CRAMP1: variants seen among roughly 807,000 people sequenced by gnomAD.
CRAMP1 encodes protein cramped-like.
In CRAMP1, 50 loss-of-function variants were observed where a neutral mutation model predicts 115.4. The observed-to-expected ratio is 0.43, with a 90% CI of 0.35 to 0.55. The LOEUF (loss-of-function observed/expected upper bound fraction) is 0.55. CRAMP1 is among the 20% of genes least tolerant of loss of function. The pLI is 0.01. For missense variants in CRAMP1, 1,679 were observed against 1,721.7 expected (o/e 0.98, Z 0.44); for synonymous variants, 866 against 745.4 (o/e 1.16, Z -2.64).
intron 2 of CRAMP1, among the ~76,000 whole-genome samples, chr16:1,623,046 A>G (rs2036478920): frequency 2.0e-5 from 3 of 151,324 alleles, no homozygotes; most frequent in Admixed American, 6.6e-5. Context: ...ACAGGCGCCC[A>G]CCACCACGCC....
At chr16:1,647,587 A>C (rs2036686670) in intron 6 of CRAMP1, among the ~76,000 whole-genome samples, 1 of 151,990 alleles carries the variant, frequency 6.6e-6, no homozygotes, top group Non-Finnish European at 1.5e-5. Context: ...TTAAAAATAC[A>C]AAATTAGCCG....
In CRAMP1 at chr16:1,668,054, C is replaced by T. The variant is rs1175049312; in HGVS notation, c.3195C>T (p.Thr1065=). The T allele has an allele frequency of 2.5e-6, 4 of 1,613,790 alleles. No individual in the cohort carries two copies. In the South Asian group the frequency reaches 4.4e-5, roughly 18 times the overall value. ...TGTCCTCGTCAGAGAGCTCCAGCAC[C>T]CGGCTGTCTCCACCAGACGTCTCTG... ...IPLSSSESSS[T]RLSPPDVSAL... is the part of the protein sequence containing the mutation. The change falls in exon 18 of 21, where the codon ACC becomes ACT. Residue 1065 remains threonine, a synonymous_variant. Coordinates refer to ENST00000397412, the MANE Select transcript of CRAMP1 (RefSeq NM_020825.4).
At chr16:1,664,820 GT>G (rs2036860179) in intron 13 of CRAMP1, among the ~76,000 whole-genome samples, 1 of 151,590 alleles carries the variant, frequency 6.6e-6, no homozygotes, top group East Asian at 1.9e-4. Context: ...CATTCCTCCA[GT>G]TTCCCTGGGG....
rs1596493903 is a variant in CRAMP1 at position 1,655,958 on chromosome 16, G to T, written c.1201G>T (p.Gly401Cys). 1 of 1,613,000 alleles carries T rather than the reference G, an allele frequency of 6.2e-7. No individual in the cohort carries two copies. The highest frequency in any genetic ancestry group is 8.5e-7 in the Non-Finnish European group (1 of 1,179,900). Residue 401 changes from glycine to cysteine, a missense_variant, in exon 10 of 21, where the codon GGC becomes TGC. Around this residue, in one of 8 missense-constraint regions of CRAMP1, gnomAD observed 191 missense variants for 236.2 expected, o/e 0.81. Coordinates refer to ENST00000397412, the MANE Select transcript of CRAMP1 (RefSeq NM_020825.4). ...QEKVTLHLFP[G>C]ENCTLTPLPG... ...GAAGGTGACACTGCACTTGTTCCCA[G>T]GCGAGAACTGTACACTGACACCGCT...
chr16:1,621,308 G>C (rs900217429), intron 2 of CRAMP1, among the ~76,000 whole-genome samples: 5 of 152,250 alleles, frequency 3.3e-5, no homozygotes, highest in Admixed American at 6.5e-5. Flanking sequence ...GCAGCTGGGA[G>C]GGTGCGCTGG....
intron 17 of CRAMP1, among the ~76,000 whole-genome samples, chr16:1,667,610 A>G (rs2036887057): frequency 6.6e-6 from 1 of 152,072 alleles, no homozygotes; most frequent in South Asian, 2.1e-4. Context: ...TCCCCTCTCC[A>G]AGGTGGGCTG....
At chr16:1,651,320 AGAGGTCACACAGAGGTCATCTAGGGGTG>A (rs2036720795) in intron 6 of CRAMP1, among the ~76,000 whole-genome samples, 1 of 149,984 alleles carries the variant, frequency 6.7e-6, no homozygotes, top group Non-Finnish European at 1.5e-5. Context: ...AGGTCGACTG[AGAGGTCACACAGAGGTCATCTAGGGGTG>A]GATTTAGGTC....
rs1045849827 is a variant in CRAMP1, at chr16:1,672,325, G to C, written c.3645+1516G>C. Among the ~76,000 whole-genome samples, 2 of 152,230 alleles carry C rather than the reference G, an allele frequency of 1.3e-5. No individual in the cohort carries two copies. Among genetic ancestry groups the C allele is most frequent in the South Asian group, 4.1e-4 (2 of 4,832 alleles). ...AACGTGTTCACCTTCAGAAAGAGCA[G>C]ATCAGCGTTTAGCATGAGATTTTCC... On this transcript the variant is annotated intron_variant, in intron 20 of 20. Coordinates refer to ENST00000397412, the MANE Select transcript of CRAMP1 (RefSeq NM_020825.4). This position sits in a 1 kb window ranked among gnomAD's most constrained non-coding sequence, Gnocchi z 4.9.
chr16:1,614,894 C>T lies in CRAMP1; in HGVS notation c.255C>T (p.Ser85=), dbSNP rs1183304331. 3.6e-5 allele frequency: 48 copies of T among 1,327,222 alleles called. No individual in the cohort carries two copies. Among genetic ancestry groups the T allele is most frequent in the South Asian group, 4.8e-5 (2 of 41,524 alleles). The allele number at this position is 1,327,222 out of a possible 1,614,324, so 82.2% of individuals were successfully genotyped here. A position where few individuals can be genotyped will look rare whatever the true frequency, so the allele number is the denominator to read the frequency against. Residue 85 remains serine, a synonymous_variant, in exon 2 of 21, where the codon TCC becomes TCT. Coordinates refer to ENST00000397412, the MANE Select transcript of CRAMP1 (RefSeq NM_020825.4). The surrounding 1 kb of genome is among the most constrained non-coding windows in gnomAD (Gnocchi z 4.4). ...SPQDQHHFLR[S]SVRPQSKRPR... is the part of the protein sequence containing the mutation. ...AGGACCAGCACCACTTCCTCCGGTC[C>T]AGCGTGCGGCCGCAGAGCAAGAGGC...
At position 1,625,864 on chromosome 16, in the gene CRAMP1, T is replaced by C. The variant is rs147340639; in HGVS notation, c.347-109T>C. 7.0e-5 allele frequency: 76 copies of C among 1,081,046 alleles called. No individual in the cohort carries two copies. The African/African-American group carries it at 1.0e-3, about 15-fold the overall frequency. 67.0% of individuals were successfully genotyped at this position (1,081,046 alleles called of 1,614,324 possible). On this transcript the variant is annotated intron_variant, in intron 2 of 20. Coordinates refer to ENST00000397412, the MANE Select transcript of CRAMP1 (RefSeq NM_020825.4). The stretch of plus-strand genomic sequence containing the variant: ...CCTGCCAGCATCCTCGGTTGAGGAG[T>C]GTGGAGTGGGACCTCAGGGCAGTGG...
At chr16:1,651,179 A>G (rs574296938) in intron 6 of CRAMP1, among the ~76,000 whole-genome samples, 11 of 151,952 alleles carry the variant, frequency 7.2e-5, no homozygotes, top group African/African-American at 2.7e-4. Context: ...GGTCACGGAG[A>G]GGTGGACTGA....
rs1490141206 is a variant in CRAMP1, at chr16:1,674,084, A to G, written c.*39A>G. On this transcript the variant is annotated 3_prime_UTR_variant, in exon 21 of 21. Transcript: ENST00000397412. ...TGGCGGATGAAGCCCTCTTCGAGCT[A>G]GAGAAAAATAGATAAGCCCAGCAGC... 6.3e-7 allele frequency: 1 copy of G among 1,589,468 alleles called. No homozygotes were observed. Among genetic ancestry groups the G allele is most frequent in the Non-Finnish European group, 8.6e-7 (1 of 1,166,728 alleles).
chr16:1,637,972 T>C, intron 5 of CRAMP1, 65 bp downstream of exon 5: 2 of 728,760 alleles, frequency 2.7e-6, no homozygotes, highest in South Asian at 6.0e-5. Flanking sequence ...TGGGCTTTAG[T>C]GCTCAGAGTT....
At chr16:1,635,043 T>G (rs2036576252) in intron 4 of CRAMP1, among the ~76,000 whole-genome samples, 1 of 152,096 alleles carries the variant, frequency 6.6e-6, no homozygotes, top group South Asian at 2.1e-4. Context: ...GGATTACAGG[T>G]GTGCACCACC....
rs376868320 is a variant in CRAMP1 at position 1,642,531 on chromosome 16, C to T, written c.827+1344C>T. ...CAGCCATAGGGAGGGTGTTCACCGCCTTGCCCAGGCGCCCCTCCCAGCTTC... is the reference window on the plus strand; with the variant it reads ...CAGCCATAGGGAGGGTGTTCACCGCTTTGCCCAGGCGCCCCTCCCAGCTTC... On this transcript the variant is annotated intron_variant, in intron 6 of 20. Coordinates refer to ENST00000397412, the MANE Select transcript of CRAMP1 (RefSeq NM_020825.4). 8.5e-5 allele frequency among the ~76,000 whole-genome samples: 13 copies of T among 152,364 alleles called. 2 individuals are homozygous for T. Among genetic ancestry groups the T allele is most frequent in the Admixed American group, 5.2e-4 (8 of 15,314 alleles).
At chr16:1,670,438 G>C in intron 19 of CRAMP1, 1 of 519,028 alleles carries the variant, frequency 1.9e-6, no homozygotes, top group East Asian at 3.2e-5. Flanking sequence ...GAGACCGTGG[G>C]ACTCGTGGAA....
chr16:1,632,301 G>T lies in CRAMP1; in HGVS notation c.630G>T (p.Glu210Asp). 1.2e-6 allele frequency: 2 copies of T among 1,600,620 alleles called. No homozygotes were observed. Among genetic ancestry groups the T allele is most frequent in the Non-Finnish European group, 1.7e-6 (2 of 1,174,070 alleles). The stretch of plus-strand genomic sequence containing the variant: ...CAGCAAGCATGGTGAAGAACAAGGA[G>T]CAGGTCCGCCACTTCTACTACCGCA... ...GKPASMVKNK[E>D]QVRHFYYRTW... Residue 210 changes from glutamate (E) to aspartate (D), a missense_variant, in exon 4 of 21, where the codon GAG becomes GAT. Physicochemically the swap from Glu to Asp is conservative, Grantham distance 45 (BLOSUM62 2). This residue lies in a region of CRAMP1 where 44 missense variants were observed against 92.4 expected (regional missense o/e 0.48). Coordinates refer to ENST00000397412, the MANE Select transcript of CRAMP1 (RefSeq NM_020825.4).
chr16:1,674,295 G>A lies in CRAMP1; in HGVS notation c.*250G>A. ...TAGAGCCGTTCTTCACCACGCCTGG[G>A]CCCATGTTAGGGTCTGCATAATGAT... On this transcript the variant is annotated 3_prime_UTR_variant, in exon 21 of 21. Coordinates refer to ENST00000397412, the MANE Select transcript of CRAMP1 (RefSeq NM_020825.4). 1 of 535,032 alleles carries A rather than the reference G, an allele frequency of 1.9e-6. No individual in the cohort carries two copies. The allele number at this position is 535,032 out of a possible 1,614,324, so 33.1% of individuals were successfully genotyped here.
chr16:1,617,614 C>A (rs1312910390), intron 2 of CRAMP1, among the ~76,000 whole-genome samples: 1 of 152,164 alleles, frequency 6.6e-6, no homozygotes, highest in Non-Finnish European at 1.5e-5. Context: ...ACTGGCAGTT[C>A]CTTTGGTTGA....
Sources: gnomAD v4.1 joint callset for allele counts (sites outside exome capture counted in the v4.1 genomes callset) on GRCh38, gnomAD v4.1.1 for gene constraint, gnomAD v4.1.1 regional missense constraint, Gnocchi (gnomAD v3.1) non-coding constraint, MANE v1.5 for transcripts, NCBI Gene and HGNC (gene_info 2026-07-23, HGNC 2026-07-21) for gene names.